Variants in JPH2 observed in about 807,000 individuals in gnomAD.
JPH2 encodes junctophilin 2, also known as junctophilin-2.
A neutral mutation model predicts 55.9 loss-of-function variants in JPH2; 38 were observed. The ratio of observed to expected loss-of-function variants is 0.68; its 90% confidence interval spans 0.52 to 0.89. The LOEUF (loss-of-function observed/expected upper bound fraction) is 0.89, where lower values mean the gene tolerates loss of function less well. Among genes scored for constraint, JPH2 ranks in the 40% least tolerant of loss-of-function variants. The pLI is 0.00. For missense variants in JPH2, 964 were observed against 1,037.6 expected (o/e 0.93, Z 0.97); for synonymous variants, 480 against 472.4 (o/e 1.02, Z -0.21).
Position 44,123,434 on chromosome 20 carries a change from C to G in JPH2, c.1170-4811G>C, listed in dbSNP as rs371185790. 1.1e-4 allele frequency among the ~76,000 whole-genome samples: 16 copies of G among 152,328 alleles called. No homozygotes were observed. In the South Asian group the frequency reaches 3.3e-3, roughly 32 times the overall value. ...GCTGCTCCTACACACAGCGGCTCAG[C>G]GAGCTTGCTTAACCACACACCCGTG... On this transcript the variant is annotated intron_variant, in intron 2 of 5. Transcript: ENST00000372980.
In JPH2 at chr20:44,116,740, T is replaced by TGTTTC. The variant is rs2072196007; in HGVS notation, c.1289-355_1289-354insGAAAC. The stretch of plus-strand genomic sequence containing the variant: ...ACGCGTCTCTTTCCATTCCCTTATC[T>TGTTTC]GAAACATGGGCCTGATCATACCTAT... On this transcript the variant is annotated intron_variant, in intron 3 of 5. Coordinates refer to ENST00000372980, the MANE Select transcript of JPH2 (RefSeq NM_020433.5). 3.3e-5 allele frequency among the ~76,000 whole-genome samples: 5 copies of TGTTTC among 152,276 alleles called. No homozygotes were observed. The South Asian group carries it at 1.0e-3, about 32-fold the overall frequency.
At chr20:44,151,336 G>A (rs1318265345) in intron 2 of JPH2, among the ~76,000 whole-genome samples, 2 of 152,106 alleles carry the variant, frequency 1.3e-5, no homozygotes, top group East Asian at 3.9e-4. Flanking sequence ...GGCCAAAATG[G>A]ACAAACCCCT....
In JPH2 at chr20:44,164,072, TG is replaced by T. The variant is rs1470893009; in HGVS notation, c.380-3666del. On this transcript the variant is annotated intron_variant, in intron 1 of 5. Coordinates refer to ENST00000372980, the MANE Select transcript of JPH2 (RefSeq NM_020433.5). ...TGATGTTCAGAGAAGTTATGTGACT[TG>T]CCCAAAGTCACACAGTGAGAAAGGA... Among the ~76,000 whole-genome samples, 265 of 152,356 alleles carry T rather than the reference TG, an allele frequency of 1.7e-3. 6 individuals are homozygous for T. The East Asian group carries it at 0.028, about 16-fold the overall frequency.
chr20:44,108,458 T>G lies in JPH2; in HGVS notation c.*5060A>C, dbSNP rs1161187540. ...ATGGTGGCCCTGGAGATCCCCAAAC[T>G]TGTATCTGGGGTCTGAAGGGAGAGG... On this transcript the variant is annotated 3_prime_UTR_variant, in exon 6 of 6. Transcript: ENST00000372980. 6.6e-6 allele frequency among the ~76,000 whole-genome samples: 1 copy of G among 151,996 alleles called. No homozygotes were observed. Among genetic ancestry groups the G allele is most frequent in the Middle Eastern group, 3.2e-3 (1 of 314 alleles).
chr20:44,160,127 G>A lies in JPH2; in HGVS notation c.660C>T (p.Leu220=). The change falls in exon 2 of 6, where the codon CTC becomes CTT. Residue 220 remains leucine (L), a synonymous_variant. Transcript: ENST00000372980. The surrounding 1 kb of genome is among the most constrained non-coding windows in gnomAD (Gnocchi z 4.9). ...AAARAPKGGG[L]FQRGALLGKL... is the part of the protein sequence containing the mutation. ...TGCCCAGCAGCGCGCCCCGCTGGAA[G>A]AGGCCGCCGCCCTTGGGCGCCCGCG... 1 of 1,501,704 alleles carries A rather than the reference G, an allele frequency of 6.7e-7. No individual in the cohort carries two copies. Among genetic ancestry groups the A allele is most frequent in the South Asian group, 1.2e-5 (1 of 80,644 alleles). 93.0% of individuals were successfully genotyped at this position (1,501,704 alleles called of 1,614,324 possible). A position where few individuals can be genotyped will look rare whatever the true frequency, so the allele number is the denominator to read the frequency against.
chr20:44,140,412 G>A (rs2072446911), intron 2 of JPH2, among the ~76,000 whole-genome samples: 1 of 152,096 alleles, frequency 6.6e-6, no homozygotes, highest in Non-Finnish European at 1.5e-5. Flanking sequence ...CACCCCTTGG[G>A]CCAGGCTTCT....
chr20:44,141,294 A>G (rs1160983509), intron 2 of JPH2, among the ~76,000 whole-genome samples: 2 of 152,104 alleles, frequency 1.3e-5, no homozygotes, highest in Admixed American at 6.6e-5. Flanking sequence ...AAGCTGTTGC[A>G]TTTGGACCTC....
At chr20:44,181,246 T>C (rs987510182) in intron 1 of JPH2, among the ~76,000 whole-genome samples, 4 of 152,058 alleles carry the variant, frequency 2.6e-5, no homozygotes, top group African/African-American at 7.2e-5. Context: ...CTTAGAACAA[T>C]GAGTGTCAAA....
intron 1 of JPH2, chr20:44,178,031 T>C (rs1425778079): frequency 1.2e-6 from 1 of 809,794 alleles, no homozygotes; most frequent in Admixed American, 1.7e-5. Context: ...CAGGTTCATA[T>C]GGTTAAGAAC....
At chr20:44,142,833 T>C (rs73908578) in intron 2 of JPH2, among the ~76,000 whole-genome samples, 7,438 of 152,254 alleles carry the variant, frequency 0.049, 520 homozygotes, top group African/African-American at 0.16. Context: ...ATGAATAACA[T>C]GGAGGGTGCC....
rs1404231819 is a variant in JPH2, at chr20:44,115,874, T to C, written c.1801A>G (p.Thr601Ala). 1.3e-6 allele frequency: 2 copies of C among 1,582,218 alleles called. No individual in the cohort carries two copies. The highest frequency in any genetic ancestry group is 1.7e-5 in the Admixed American group (1 of 58,246). ...AGCGTGGGGGCCTGCAGCGGGGCGGTGGCCGGGGACGAGGGCGCGGACTCG... is the reference window on the plus strand; with the variant it reads ...AGCGTGGGGGCCTGCAGCGGGGCGGCGGCCGGGGACGAGGGCGCGGACTCG... ...GSESAPSSPA[T>A]APLQAPTLRG... Residue 601 changes from threonine to alanine, a missense_variant, in exon 4 of 6, where the codon ACC becomes GCC. By Grantham distance (58) the Thr-to-Ala change is moderately conservative. Transcript: ENST00000372980.
intron 1 of JPH2, among the ~76,000 whole-genome samples, chr20:44,184,431 A>T (rs1007395341): frequency 3.3e-5 from 5 of 151,996 alleles, no homozygotes; most frequent in African/African-American, 1.2e-4. Context: ...TGCCTGATAC[A>T]CTTGTGAAAG....
intron 1 of JPH2, among the ~76,000 whole-genome samples, chr20:44,173,319 A>C (rs888827174): frequency 6.6e-6 from 1 of 152,124 alleles, no homozygotes; most frequent in Admixed American, 6.6e-5. Flanking sequence ...TTCTACCCAG[A>C]CCTGTGACTC....
intron 1 of JPH2, among the ~76,000 whole-genome samples, chr20:44,174,264 G>A (rs1474760398): frequency 6.6e-6 from 1 of 152,158 alleles, no homozygotes; most frequent in Non-Finnish European, 1.5e-5. Flanking sequence ...TGAAGAACAG[G>A]TCCCTTGCCT....
chr20:44,148,029 G>A (rs1384691515), intron 2 of JPH2, among the ~76,000 whole-genome samples: 3 of 152,164 alleles, frequency 2.0e-5, no homozygotes, highest in African/African-American at 7.2e-5. Context: ...CAGCGGTAGT[G>A]GCACGCACCT....
intron 1 of JPH2, among the ~76,000 whole-genome samples, chr20:44,179,695 C>T (rs188067531): frequency 1.3e-5 from 2 of 152,118 alleles, no homozygotes; most frequent in African/African-American, 2.4e-5. Context: ...CTGGGTCTCA[C>T]GAATTATGAA....
intron 1 of JPH2, chr20:44,176,834 A>G (rs2072737796): frequency 2.0e-6 from 2 of 979,972 alleles, no homozygotes; most frequent in South Asian, 9.4e-5. Context: ...AAAGGATTCC[A>G]ATTTAATTAA....
rs1297026279 is a variant in JPH2 at position 44,110,337 on chromosome 20, C to T, written c.*3181G>A. 1.3e-5 allele frequency among the ~76,000 whole-genome samples: 2 copies of T among 152,182 alleles called. No homozygotes were observed. The highest frequency in any genetic ancestry group is 3.8e-4 in the East Asian group (2 of 5,206). The stretch of plus-strand genomic sequence containing the variant: ...AAGGCTACAGATAACAATTCCCTCC[C>T]CATTTCCACTCCCACCTCCCCTCCT... On this transcript the variant is annotated 3_prime_UTR_variant, in exon 6 of 6. Coordinates refer to ENST00000372980, the MANE Select transcript of JPH2 (RefSeq NM_020433.5).
chr20:44,118,717 A>G (rs894190819), intron 2 of JPH2, 94 bp from the exon 3 acceptor site: 3 of 991,844 alleles, frequency 3.0e-6, no homozygotes, highest in South Asian at 2.6e-5. Context: ...TGCTAAACAC[A>G]GCATTCTTTC....
Sources: gnomAD v4.1 joint callset for allele counts (sites outside exome capture counted in the v4.1 genomes callset) on GRCh38, gnomAD v4.1.1 for gene constraint, Gnocchi (gnomAD v3.1) non-coding constraint, MANE v1.5 for transcripts, NCBI Gene and HGNC (gene_info 2026-07-23, HGNC 2026-07-21) for gene names.